SCG3: variants seen among roughly 807,000 people sequenced by gnomAD.
SCG3 encodes the protein secretogranin III.
SCG3 carries 38 observed loss-of-function variants against 56.2 expected under a neutral mutation model. The ratio of observed to expected loss-of-function variants is 0.68; its 90% CI spans 0.52 to 0.89. The LOEUF (loss-of-function observed/expected upper bound fraction) is 0.89, where lower values mean the gene tolerates loss of function less well. Ranked by LOEUF, SCG3 falls within the 40% of genes least tolerant of loss-of-function variation. The pLI is 0.00. For missense variants in SCG3, 524 were observed against 540.7 expected, an observed-to-expected ratio of 0.97 and a Z score of 0.31; for synonymous variants, 176 against 184.2, an observed-to-expected ratio of 0.96 and a Z score of 0.36.
At chr15:51,690,982 C>T (rs1024404754) in intron 6 of SCG3, among the ~76,000 whole-genome samples, 1 of 152,126 alleles carries the variant, frequency 6.6e-6, no homozygotes, top group African/African-American at 2.4e-5. Flanking sequence ...CATGTATTTT[C>T]ATTACAATTG....
In SCG3 at chr15:51,699,650, G is replaced by A. The variant is rs377451862; in HGVS notation, c.1069+248G>A. ...ACTGAAGATTCCTGGAGGTGGCTAG[G>A]AATCTTAGGTGGAAAGGAAAAGGCT... On this transcript the variant is annotated intron_variant, in intron 9 of 11. Transcript: ENST00000220478. Among the ~76,000 whole-genome samples, 10 of 152,104 alleles carry A rather than the reference G, an allele frequency of 6.6e-5. No individual in the cohort carries two copies. In the East Asian group the frequency reaches 1.3e-3, roughly 20 times the overall value.
At chr15:51,705,491 T>C (rs1241588496) in intron 10 of SCG3, among the ~76,000 whole-genome samples, 1 of 151,766 alleles carries the variant, frequency 6.6e-6, no homozygotes, top group African/African-American at 2.4e-5. Context: ...AGGAAGAGAG[T>C]AGACTAAAAC....
intron 9 of SCG3, 146 bp from the exon 10 acceptor site, chr15:51,700,961 G>A: frequency 1.0e-6 from 1 of 970,366 alleles, no homozygotes; most frequent in Non-Finnish European, 1.5e-6. Context: ...TTAAAGGGTT[G>A]GATTAGATAA....
chr15:51,710,006 G>C (rs965427503), intron 10 of SCG3, among the ~76,000 whole-genome samples: 4 of 150,608 alleles, frequency 2.7e-5, no homozygotes, highest in Non-Finnish European at 4.4e-5. Context: ...AAAGTGCTGG[G>C]ATTACAGGCA....
chr15:51,706,682 T>C (rs975909604), intron 10 of SCG3, among the ~76,000 whole-genome samples: 2 of 151,866 alleles, frequency 1.3e-5, no homozygotes, highest in African/African-American at 2.4e-5. Context: ...ATATAAGTAA[T>C]AATAATAATA....
chr15:51,689,400 G>GGGTGTGT (rs2055252181), intron 6 of SCG3, 32 bp downstream of exon 6: 1 of 1,091,378 alleles, frequency 9.2e-7, no homozygotes, highest in Non-Finnish European at 1.2e-6. Context: ...TATGCATGGG[G>GGGTGTGT]GTGTGTGTGT....
Position 51,719,460 on chromosome 15 carries a change from T to C in SCG3, c.1341T>C (p.Tyr447=), listed in dbSNP as rs562047428. The part of the protein sequence containing the change: ...RDFINKQADA[Y]VEKGILDKEE... ...TCATCAATAAACAAGCTGATGCTTA[T>C]GTGGAGAAAGGCATCCTTGACAAGG... is the stretch of plus-strand genomic sequence containing the variant. The change falls in exon 12 of 12, where the codon TAT becomes TAC. Residue 447 remains tyrosine (Y), a synonymous_variant. Transcript: ENST00000220478. 4.3e-5 allele frequency: 70 copies of C among 1,614,152 alleles called. No homozygotes were observed. In the South Asian group the frequency reaches 6.1e-4, roughly 14 times the overall value.
intron 10 of SCG3, among the ~76,000 whole-genome samples, chr15:51,705,212 G>C (rs2055367764): frequency 1.3e-5 from 2 of 152,248 alleles, no homozygotes; most frequent in South Asian, 2.1e-4. Context: ...CTAGAACCCA[G>C]TGAGCCATAG....
intron 8 of SCG3, 70 bp downstream of exon 8, chr15:51,696,061 A>G: frequency 2.4e-6 from 2 of 838,536 alleles, no homozygotes; most frequent in South Asian, 1.5e-5. Context: ...GGACTTGGCA[A>G]TAATGACCTC....
At chr15:51,684,557 A>G (rs556475510) in intron 4 of SCG3, among the ~76,000 whole-genome samples, 1 of 152,240 alleles carries the variant, frequency 6.6e-6, no homozygotes, top group Non-Finnish European at 1.5e-5. Flanking sequence ...AGCCTGGGCG[A>G]CAGAGCCAGA....
At chr15:51,703,246 C>T (rs77932592) in intron 10 of SCG3, among the ~76,000 whole-genome samples, 3,955 of 152,262 alleles carry the variant, frequency 0.026, 135 homozygotes, top group East Asian at 0.11. Flanking sequence ...CACCCAGTAT[C>T]TCCTGCTCAC....
rs181015773 is a variant in SCG3, at chr15:51,681,906, T to C, written c.82+69T>C. On this transcript the variant is annotated intron_variant, in intron 1 of 11. Transcript: ENST00000220478. ...CACGAAAAGGTAAAGTTTGGCATAATACGTGAGCTGTAAATCACCCTGACG... is the reference window on the plus strand; with the variant it reads ...CACGAAAAGGTAAAGTTTGGCATAACACGTGAGCTGTAAATCACCCTGACG... 650 of 1,258,580 alleles carry C rather than the reference T, an allele frequency of 5.2e-4. 2 individuals are homozygous for C. Among genetic ancestry groups the C allele is most frequent in the Admixed American group, 8.9e-4 (50 of 56,142 alleles). 78.0% of individuals were successfully genotyped at this position (1,258,580 alleles called of 1,614,324 possible). A position where few individuals can be genotyped will look rare whatever the true frequency, so the allele number is the denominator to read the frequency against.
chr15:51,718,730 TTTTG>T (rs200317952), intron 11 of SCG3, among the ~76,000 whole-genome samples: 4 of 152,144 alleles, frequency 2.6e-5, no homozygotes, highest in South Asian at 2.1e-4. Flanking sequence ...TGTATATAGA[TTTTG>T]TTTGTTTGTT....
intron 4 of SCG3, 69 bp downstream of exon 4, chr15:51,683,503 A>G: frequency 1.0e-6 from 1 of 969,412 alleles, no homozygotes; most frequent in South Asian, 1.7e-5. Context: ...AAAGTCCAAT[A>G]TTTTAAAAAT....
At chr15:51,690,213 T>G (rs1253437638) in intron 6 of SCG3, among the ~76,000 whole-genome samples, 1 of 152,196 alleles carries the variant, frequency 6.6e-6, no homozygotes, top group Non-Finnish European at 1.5e-5. Context: ...TTTCATTGGT[T>G]TAGATGCCTA....
rs191382505 is a variant in SCG3 at position 51,690,064 on chromosome 15, C to T, written c.690+696C>T. On this transcript the variant is annotated intron_variant, in intron 6 of 11. Coordinates refer to ENST00000220478, the MANE Select transcript of SCG3 (RefSeq NM_013243.4). ...TCCAACATCTGTTCACAGCAGATGTCATCATCTGTGCCCAATCCCCCCACA... is the reference window on the plus strand; with the variant it reads ...TCCAACATCTGTTCACAGCAGATGTTATCATCTGTGCCCAATCCCCCCACA... 1.1e-4 allele frequency among the ~76,000 whole-genome samples: 16 copies of T among 152,262 alleles called. No individual in the cohort carries two copies. The East Asian group carries it at 2.9e-3, about 28-fold the overall frequency.
intron 7 of SCG3, among the ~76,000 whole-genome samples, chr15:51,692,998 T>A (rs757429350): frequency 6.6e-6 from 1 of 152,226 alleles, no homozygotes. Context: ...TGTATTCATC[T>A]TGCATAACTG....
rs1595844863 is a variant in SCG3, at chr15:51,719,748, C to T, written c.*222C>T. 3 of 525,868 alleles carry T rather than the reference C, an allele frequency of 5.7e-6. No homozygotes were observed. In the East Asian group the frequency reaches 9.4e-5, roughly 16 times the overall value. 32.6% of individuals were successfully genotyped at this position (525,868 alleles called of 1,614,324 possible). A position where few individuals can be genotyped will look rare whatever the true frequency, so the allele number is the denominator to read the frequency against. On this transcript the variant is annotated 3_prime_UTR_variant, in exon 12 of 12. Transcript: ENST00000220478. Reference sequence around the variant, plus strand: ...AAGCTGAGATTTTGTATACAGAATCCTTATTTCCTCATAGACTTATATTTT... The same window carrying T: ...AAGCTGAGATTTTGTATACAGAATCTTTATTTCCTCATAGACTTATATTTT...
chr15:51,688,370 A>G lies in SCG3; in HGVS notation c.508A>G (p.Lys170Glu). The G allele has an allele frequency of 6.2e-7, 1 of 1,613,666 alleles. No individual in the cohort carries two copies. Residue 170 changes from lysine to glutamate, a missense_variant, in exon 5 of 12, where the codon AAG becomes GAG. Physicochemically the swap from Lys to Glu is moderately conservative, Grantham distance 56. Transcript: ENST00000220478. ...AGAAAATGACAGAGCCGTGTTTGACAAGATTGTTTCTAAACTACTTAATCT... is the reference window on the plus strand; with the variant it reads ...AGAAAATGACAGAGCCGTGTTTGACGAGATTGTTTCTAAACTACTTAATCT... ...YEENDRAVFD[K>E]IVSKLLNLGL...
Sources: allele counts gnomAD v4.1 joint callset (sites outside exome capture counted in the v4.1 genomes callset), GRCh38; gene constraint gnomAD v4.1.1; transcripts MANE v1.5; gene names NCBI Gene and HGNC (gene_info 2026-07-23, HGNC 2026-07-21).